SLC22A24: variants seen among roughly 807,000 people sequenced by gnomAD.
The protein encoded by SLC22A24 is steroid transmembrane transporter SLC22A24.
SLC22A24 carries 53 observed loss-of-function variants against 49.8 expected under a neutral mutation model. That is an observed-to-expected ratio of 1.06 (90% confidence interval 0.85 to 1.34). The LOEUF (loss-of-function observed/expected upper bound fraction) is 1.34. Ranked by LOEUF, SLC22A24 falls within the 40% of genes most tolerant of loss-of-function variation. The pLI is 0.00. For synonymous variants in SLC22A24, 302 were observed against 256.4 expected (o/e 1.18, Z -1.70); for missense variants, 786 against 675.9 (o/e 1.16, Z -1.81).
At chr11:63,131,060 G>T (rs956157029) in intron 2 of SLC22A24, among the ~76,000 whole-genome samples, 5 of 151,800 alleles carry the variant, frequency 3.3e-5, no homozygotes, top group Non-Finnish European at 7.4e-5. Context: ...ATCTTTGTTG[G>T]TTTAAAGTCT....
chr11:63,137,809 A>T (rs1323135368), intron 1 of SLC22A24: 1 of 152,190 alleles, frequency 6.6e-6, no homozygotes, highest in Non-Finnish European at 1.5e-5. Context: ...CAGGATCATC[A>T]GAAGCCACTC....
chr11:63,130,680 A>G (rs1298445000), intron 2 of SLC22A24, among the ~76,000 whole-genome samples: 2 of 152,114 alleles, frequency 1.3e-5, no homozygotes, highest in South Asian at 2.1e-4. Context: ...CAGAGATTCA[A>G]CTTCTTCCTG....
intron 5 of SLC22A24, among the ~76,000 whole-genome samples, chr11:63,096,665 G>C (rs1590732374): frequency 6.6e-6 from 1 of 152,216 alleles, no homozygotes; most frequent in African/African-American, 2.4e-5. Flanking sequence ...TATATACCCA[G>C]TAATGGGATT....
chr11:63,138,362 C>T (rs958876837), intron 1 of SLC22A24, among the ~76,000 whole-genome samples: 12 of 152,132 alleles, frequency 7.9e-5, no homozygotes, highest in East Asian at 3.9e-4. Context: ...CTTCTGAGGC[C>T]GGGTACGTGG....
intron 4 of SLC22A24, among the ~76,000 whole-genome samples, chr11:63,117,541 C>T (rs1246981321): frequency 2.6e-5 from 4 of 152,184 alleles, no homozygotes; most frequent in African/African-American, 9.7e-5. Flanking sequence ...CCTCTTCTAT[C>T]TTTGCCACCC....
chr11:63,129,863 TAAG>T (rs1565043243), intron 2 of SLC22A24, among the ~76,000 whole-genome samples: 1 of 152,230 alleles, frequency 6.6e-6, no homozygotes, highest in Non-Finnish European at 1.5e-5. Context: ...CTTATCAGCT[TAAG>T]GAGATTTTGG....
chr11:63,088,704 T>C (rs1474286165), intron 6 of SLC22A24, among the ~76,000 whole-genome samples: 1 of 151,992 alleles, frequency 6.6e-6, no homozygotes, highest in Non-Finnish European at 1.5e-5. Flanking sequence ...AACTGCTAAC[T>C]AGAATGACCA....
chr11:63,104,016 A>C, intron 5 of SLC22A24, 159 bp downstream of exon 5: 1 of 632,818 alleles, frequency 1.6e-6, no homozygotes, highest in Non-Finnish European at 2.5e-6. Flanking sequence ...CTATATCCAA[A>C]TCTTTGACAG....
intron 2 of SLC22A24, among the ~76,000 whole-genome samples, chr11:63,132,120 T>G (rs925741238): frequency 1.9e-4 from 29 of 152,254 alleles, no homozygotes; most frequent in Admixed American, 1.9e-3. Context: ...GCTGTGGTTT[T>G]CAGCTCCATC....
At chr11:63,114,021 G>A (rs1194064506) in intron 4 of SLC22A24, among the ~76,000 whole-genome samples, 2 of 152,056 alleles carry the variant, frequency 1.3e-5, no homozygotes, top group Non-Finnish European at 2.9e-5. Context: ...CAACCTTGGT[G>A]AATCTGACAA....
At chr11:63,115,492 A>G (rs977658418) in intron 4 of SLC22A24, among the ~76,000 whole-genome samples, 1 of 152,172 alleles carries the variant, frequency 6.6e-6, no homozygotes, top group Non-Finnish European at 1.5e-5. Context: ...TGGCTAGGAA[A>G]GGGAAATCCC....
At chr11:63,082,303 A>G (rs1168670261) in intron 7 of SLC22A24, among the ~76,000 whole-genome samples, 2 of 152,242 alleles carry the variant, frequency 1.3e-5, no homozygotes, top group African/African-American at 4.8e-5. Flanking sequence ...TTGGAAATAA[A>G]TAATATCACA....
chr11:63,125,620 G>A lies in SLC22A24; in HGVS notation c.507-6285C>T, dbSNP rs142696626. On this transcript the variant is annotated intron_variant, in intron 2 of 9. Coordinates refer to ENST00000612278, the MANE Select transcript of SLC22A24 (RefSeq NM_001136506.2). ...GTGAATAGTGCCGCGGTAAACATAC[G>A]TGTGGATGTGTCTTTATAGTAGCAT... is the stretch of plus-strand genomic sequence containing the variant. Among the ~76,000 whole-genome samples, 1,016 of 152,276 alleles carry A rather than the reference G, an allele frequency of 6.7e-3. 3 individuals carry two copies. Among genetic ancestry groups the A allele is most frequent in the Admixed American group, 0.012 (176 of 15,290 alleles).
chr11:63,121,133 T>C (rs928619223), intron 2 of SLC22A24, among the ~76,000 whole-genome samples: 2 of 152,142 alleles, frequency 1.3e-5, no homozygotes, highest in East Asian at 3.8e-4. Context: ...TAAGATAAAC[T>C]ATGAACTTTA....
chr11:63,083,506 T>C (rs1394402877), intron 6 of SLC22A24, 49 bp from the exon 7 acceptor site: 1 of 1,424,918 alleles, frequency 7.0e-7, no homozygotes, highest in Admixed American at 2.2e-5. Context: ...ATTTAAAGCC[T>C]AGGAAACATT....
chr11:63,134,805 A>G (rs2134681704), intron 1 of SLC22A24, 37 bp from the exon 2 acceptor site: 1 of 1,424,026 alleles, frequency 7.0e-7, no homozygotes, highest in East Asian at 2.5e-5. Context: ...AGAGCTTGAG[A>G]AGAGTTTCAA....
At chr11:63,108,952 C>G (rs1207190195) in intron 4 of SLC22A24, among the ~76,000 whole-genome samples, 1 of 142,434 alleles carries the variant, frequency 7.0e-6, no homozygotes, top group African/African-American at 2.6e-5. Flanking sequence ...CCCACTAACT[C>G]GTCATCTAGC....
chr11:63,108,892 T>C (rs1164395332), intron 4 of SLC22A24, among the ~76,000 whole-genome samples: 1 of 149,268 alleles, frequency 6.7e-6, no homozygotes, highest in African/African-American at 2.5e-5. Context: ...CATGTGCACA[T>C]TGTGCAGGTT....
intron 6 of SLC22A24, among the ~76,000 whole-genome samples, chr11:63,095,578 A>C (rs1291014472): frequency 6.6e-6 from 1 of 152,148 alleles, no homozygotes; most frequent in Non-Finnish European, 1.5e-5. Context: ...GACATGAGAG[A>C]TGATTCAGGA....
Sources: gnomAD v4.1 joint callset for allele counts (sites outside exome capture counted in the v4.1 genomes callset) on GRCh38, gnomAD v4.1.1 for gene constraint, MANE v1.5 for transcripts, NCBI Gene and HGNC (gene_info 2026-07-23, HGNC 2026-07-21) for gene names.